Variants in ABLIM1 observed in about 807,000 individuals in gnomAD.
The protein encoded by ABLIM1 is actin binding LIM protein 1.
A neutral mutation model predicts 107.0 loss-of-function variants in ABLIM1; 40 were observed. That is an observed-to-expected ratio of 0.37 (90% CI 0.29 to 0.49). The LOEUF is 0.49. ABLIM1 is among the 20% of genes least tolerant of loss of function. The pLI, the probability that ABLIM1 is intolerant of heterozygous loss-of-function variation, is 0.97. For missense variants in ABLIM1, 857 were observed against 1,008.5 expected, an observed-to-expected ratio of 0.85 and a Z score of 2.04; for synonymous variants, 357 against 357.3, an observed-to-expected ratio of 1.00 and a Z score of 0.01.
At chr10:114,665,155 T>C (rs1268191848) in intron 1 of ABLIM1, among the ~76,000 whole-genome samples, 3 of 151,946 alleles carry the variant, frequency 2.0e-5, no homozygotes, top group African/African-American at 7.2e-5. Flanking sequence ...ATGTGGTGTA[T>C]GTTTCACATT....
chr10:114,589,899 C>T (rs1053638746), intron 2 of ABLIM1, among the ~76,000 whole-genome samples: 6 of 151,600 alleles, frequency 4.0e-5, no homozygotes, highest in Admixed American at 6.6e-5. Context: ...CAGTAGTGTA[C>T]AGTAATGTCC....
chr10:114,768,499 G>C (rs2082960410), upstream of ABLIM1, among the ~76,000 whole-genome samples: 1 of 152,166 alleles, frequency 6.6e-6, no homozygotes, highest in Non-Finnish European at 1.5e-5. Context: ...TGGTCCCAGA[G>C]AGAGAAAGCA....
intron 1 of ABLIM1, among the ~76,000 whole-genome samples, chr10:114,739,555 C>T (rs570144850): frequency 1.3e-5 from 2 of 152,106 alleles, no homozygotes; most frequent in African/African-American, 4.8e-5. Flanking sequence ...GTATGTAGAA[C>T]CATTGAGGCT....
Position 114,637,035 on chromosome 10 carries a change from TAAAAAAAAAAA to T in ABLIM1, c.244+20911_244+20921del, listed in dbSNP as rs3061732. Among the ~76,000 whole-genome samples, 38 of 104,024 alleles carry T rather than the reference TAAAAAAAAAAA, an allele frequency of 3.7e-4. No homozygotes were observed. The South Asian group carries it at 0.012, about 33-fold the overall frequency. The allele number at this position is 104,024 out of a possible 152,430, so 68.2% of individuals were successfully genotyped here. ...GCAACAGAGTGAGACGCTGTCTCTT[TAAAAAAAAAAA>T]AAAAAAAAAAAAGAGTGTGGAGGTT... On this transcript the variant is annotated intron_variant, in intron 1 of 22. Transcript: ENST00000533213.
chr10:114,736,036 C>T (rs1435506530), intron 1 of ABLIM1, among the ~76,000 whole-genome samples: 6 of 152,152 alleles, frequency 3.9e-5, no homozygotes, highest in Non-Finnish European at 8.8e-5. Flanking sequence ...AGCAATATGA[C>T]ATCTAAATAT....
chr10:114,652,056 A>G (rs11196835), intron 1 of ABLIM1, among the ~76,000 whole-genome samples: 48,167 of 152,088 alleles, frequency 0.32, 8,686 homozygotes, highest in Non-Finnish European at 0.42. Context: ...CCCAGGATGT[A>G]TTTTTTATGG....
chr10:114,582,804 T>C (rs750197717), intron 2 of ABLIM1, among the ~76,000 whole-genome samples: 1 of 152,060 alleles, frequency 6.6e-6, no homozygotes, highest in African/African-American at 2.4e-5. Context: ...TAACTGGCTA[T>C]CCATATGCAG....
chr10:114,514,083 C>A (rs982087109), intron 6 of ABLIM1, among the ~76,000 whole-genome samples: 3 of 152,128 alleles, frequency 2.0e-5, no homozygotes, highest in Non-Finnish European at 4.4e-5. Flanking sequence ...CTAAGACTCA[C>A]AGAATAAAAA....
intron 4 of ABLIM1, among the ~76,000 whole-genome samples, chr10:114,552,177 C>T (rs1418598285): frequency 6.6e-6 from 1 of 152,214 alleles, no homozygotes; most frequent in African/African-American, 2.4e-5. Flanking sequence ...TCAAGCCTGA[C>T]ACTGTGCTGG....
chr10:114,639,621 G>A (rs1453238464), intron 1 of ABLIM1, among the ~76,000 whole-genome samples: 5 of 152,212 alleles, frequency 3.3e-5, no homozygotes, highest in African/African-American at 4.8e-5. Flanking sequence ...TGAGGACAGC[G>A]GCAGCTTCAT....
chr10:114,700,833 T>C (rs1305702826), intron 1 of ABLIM1, among the ~76,000 whole-genome samples: 4 of 152,122 alleles, frequency 2.6e-5, no homozygotes, highest in African/African-American at 9.7e-5. Context: ...AAATCTCTAA[T>C]AGTGTCATAA....
chr10:114,517,144 G>A (rs1376133730), intron 6 of ABLIM1, among the ~76,000 whole-genome samples: 3 of 152,218 alleles, frequency 2.0e-5, no homozygotes, highest in East Asian at 3.8e-4. Flanking sequence ...CATGGGCTGA[G>A]TTGAACTGTG....
intron 11 of ABLIM1, among the ~76,000 whole-genome samples, chr10:114,467,367 T>C (rs577675562): frequency 1.3e-5 from 2 of 152,318 alleles, no homozygotes; most frequent in Admixed American, 1.3e-4. Context: ...AAATTTCTAC[T>C]AGCACAATAA....
rs1426678887 is a variant in ABLIM1, at chr10:114,658,130, G to A, written c.71C>T (p.Ser24Phe). 2 of 1,613,996 alleles carry A rather than the reference G, an allele frequency of 1.2e-6. No individual in the cohort carries two copies. Among genetic ancestry groups the A allele is most frequent in the Non-Finnish European group, 1.7e-6 (2 of 1,179,988 alleles). ...CGAGCCCCTGGCACTGGTTCTCTCA[G>A]ATGAGGTGACTTTGCTTTTCTCAGA... is the stretch of plus-strand genomic sequence containing the variant. ...CSSEKSKVTSSERTSARGSNR... is the reference protein window; with the variant it reads ...CSSEKSKVTSFERTSARGSNR... Residue 24 changes from serine to phenylalanine, a missense_variant, in exon 1 of 23, where the codon TCT becomes TTT. Ser to Phe is a radical substitution (Grantham distance 155, BLOSUM62 -2). Coordinates refer to ENST00000533213, the MANE Select transcript of ABLIM1 (RefSeq NM_002313.7).
At chr10:114,657,256 C>T (rs1462956389) in intron 1 of ABLIM1, among the ~76,000 whole-genome samples, 2 of 152,164 alleles carry the variant, frequency 1.3e-5, no homozygotes, top group Non-Finnish European at 2.9e-5. Context: ...CCTTCTGCTT[C>T]CTGTACCAAT....
chr10:114,579,215 GA>G (rs2073053459), intron 2 of ABLIM1, among the ~76,000 whole-genome samples: 1 of 152,084 alleles, frequency 6.6e-6, no homozygotes, highest in African/African-American at 2.4e-5. Context: ...GGCAGGAAAA[GA>G]AAAACAACAG....
chr10:114,487,104 G>A (rs1165819085), intron 8 of ABLIM1, among the ~76,000 whole-genome samples: 1 of 152,182 alleles, frequency 6.6e-6, no homozygotes, highest in Admixed American at 6.5e-5. Flanking sequence ...TGCTGCTGCT[G>A]GGGATTGCAT....
chr10:114,721,311 C>T (rs1035588340), intron 1 of ABLIM1, among the ~76,000 whole-genome samples: 1 of 152,148 alleles, frequency 6.6e-6, no homozygotes, highest in African/African-American at 2.4e-5. Flanking sequence ...CAGGATTTCA[C>T]AGCTCGTGGG....
intron 1 of ABLIM1, among the ~76,000 whole-genome samples, chr10:114,725,718 C>T (rs568199415): frequency 7.5e-5 from 11 of 147,010 alleles, no homozygotes; most frequent in African/African-American, 1.8e-4. Flanking sequence ...TATATATTTA[C>T]ATATGATATA....
Sources: allele counts gnomAD v4.1 joint callset (sites outside exome capture counted in the v4.1 genomes callset), GRCh38; gene constraint gnomAD v4.1.1; transcripts MANE v1.5; gene names NCBI Gene and HGNC (gene_info 2026-07-23, HGNC 2026-07-21).